GPAT4: variants seen among roughly 807,000 people sequenced by gnomAD.
The protein encoded by GPAT4 is 1-AGP acyltransferase 6.
Under a neutral mutation model 58.0 loss-of-function variants are expected in GPAT4, and 17 were observed. The observed-to-expected ratio is 0.29, with a 90% CI of 0.20 to 0.44. The LOEUF (loss-of-function observed/expected upper bound fraction) is 0.44. Among genes scored for constraint, GPAT4 ranks in the 20% least tolerant of loss-of-function variants. The pLI is 1.00. For synonymous variants in GPAT4, 204 were observed against 210.1 expected (o/e 0.97, Z 0.25); for missense variants, 377 against 574.5 (o/e 0.66, Z 3.51).
At chr8:41,606,528 T>A (rs772310974) in intron 2 of GPAT4, among the ~76,000 whole-genome samples, 5 of 152,212 alleles carry the variant, frequency 3.3e-5, no homozygotes, top group Non-Finnish European at 7.3e-5. Context: ...CTTTGCCCTC[T>A]GAAGATTCAC....
Position 41,618,909 on chromosome 8 carries a change from T to C in GPAT4, c.1194T>C (p.Asp398=). 1.2e-6 allele frequency: 2 copies of C among 1,614,194 alleles called. No individual in the cohort carries two copies. Among genetic ancestry groups the C allele is most frequent in the Non-Finnish European group, 1.7e-6 (2 of 1,180,044 alleles). Residue 398 remains aspartate (D), a synonymous_variant, in exon 12 of 13, where the codon GAT becomes GAC. Coordinates refer to ENST00000396987, the MANE Select transcript of GPAT4 (RefSeq NM_178819.4). ...LPPMTREADE[D]AVQFANRVKS... is the part of the protein sequence containing the mutation. ...GTTCTTTCTTACAGGCAGATGAAGATGCTGTCCAGTTTGCGAATAGGGTGA... is the reference window on the plus strand; with the variant it reads ...GTTCTTTCTTACAGGCAGATGAAGACGCTGTCCAGTTTGCGAATAGGGTGA...
intron 1 of GPAT4, among the ~76,000 whole-genome samples, chr8:41,595,191 A>G (rs1420400511): frequency 2.0e-5 from 3 of 150,060 alleles, no homozygotes; most frequent in East Asian, 3.9e-4. Flanking sequence ...CCTGGGAGGA[A>G]CCATCTATTG....
intron 2 of GPAT4, among the ~76,000 whole-genome samples, chr8:41,600,501 C>T (rs957439061): frequency 6.6e-6 from 1 of 151,666 alleles, no homozygotes; most frequent in African/African-American, 2.4e-5. Flanking sequence ...TGAAATGTTA[C>T]ATTATAGTGT....
At chr8:41,584,320 G>A (rs548668492) in intron 1 of GPAT4, among the ~76,000 whole-genome samples, 1 of 152,238 alleles carries the variant, frequency 6.6e-6, no homozygotes, top group East Asian at 1.9e-4. Context: ...TCCACTCCTA[G>A]GTATTTACCC....
rs1335680110 is a variant in GPAT4 at position 41,598,553 on chromosome 8, T to C, written c.-587T>C. ...GGGGCCAGATATGAACTCTCTACCATGAACATGGTTCTCGGCTTATGAAGG... is the reference window on the plus strand; with the variant it reads ...GGGGCCAGATATGAACTCTCTACCACGAACATGGTTCTCGGCTTATGAAGG... On this transcript the variant is annotated 5_prime_UTR_variant, in exon 2 of 13. It removes an upstream start codon present in the reference 5' UTR. Coordinates refer to ENST00000396987, the MANE Select transcript of GPAT4 (RefSeq NM_178819.4). 1.3e-5 allele frequency: 2 copies of C among 152,440 alleles called. No individual in the cohort carries two copies. The highest frequency in any genetic ancestry group is 6.5e-5 in the Admixed American group (1 of 15,312). The allele number at this position is 152,440 out of a possible 1,614,324, so 9.4% of individuals were successfully genotyped here.
Position 41,585,153 on chromosome 8 carries a change from T to C in GPAT4, c.-849+6875T>C, listed in dbSNP as rs577486157. Among the ~76,000 whole-genome samples, 16 of 152,360 alleles carry C rather than the reference T, an allele frequency of 1.1e-4. No homozygotes were observed. The East Asian group carries it at 3.1e-3, about 29-fold the overall frequency. ...CAGTCCCGATACACTCGACGTTAAA[T>C]TCAGCGTAGCACACATTTCCTCATG... On this transcript the variant is annotated intron_variant, in intron 1 of 12. Coordinates refer to ENST00000396987, the MANE Select transcript of GPAT4 (RefSeq NM_178819.4).
chr8:41,578,795 T>G (rs1000457131), intron 1 of GPAT4, among the ~76,000 whole-genome samples: 1 of 152,364 alleles, frequency 6.6e-6, no homozygotes, highest in Middle Eastern at 3.4e-3. Flanking sequence ...TTTCCTTTTT[T>G]ATTTCAGCAC....
chr8:41,590,857 T>C (rs1410012294), intron 1 of GPAT4, among the ~76,000 whole-genome samples: 4 of 152,120 alleles, frequency 2.6e-5, no homozygotes, highest in Admixed American at 2.6e-4. Flanking sequence ...CTTCCTGATG[T>C]GTAAAATGCA....
At chr8:41,610,900 C>G in intron 5 of GPAT4, 90 bp downstream of exon 5, 2 of 1,312,324 alleles carry the variant, frequency 1.5e-6, no homozygotes, top group Non-Finnish European at 2.1e-6. Flanking sequence ...TCTTTGGACA[C>G]AACCAAAGCC....
chr8:41,603,450 C>T (rs762915600), intron 2 of GPAT4, among the ~76,000 whole-genome samples: 3 of 150,468 alleles, frequency 2.0e-5, no homozygotes, highest in Non-Finnish European at 1.5e-5. Context: ...CGCTTGAACC[C>T]AGGAGGTGGA....
At chr8:41,591,665 G>A (rs1457590928) in intron 1 of GPAT4, among the ~76,000 whole-genome samples, 1 of 152,228 alleles carries the variant, frequency 6.6e-6, no homozygotes, top group Non-Finnish European at 1.5e-5. Context: ...CCTATTATAA[G>A]AGTTTTAAAT....
chr8:41,612,024 A>G, intron 6 of GPAT4, 32 bp downstream of exon 6: 3 of 1,611,218 alleles, frequency 1.9e-6, no homozygotes, highest in East Asian at 2.2e-5. Flanking sequence ...AGGAAGGGAG[A>G]TGGCGCTGCA....
chr8:41,585,251 A>G (rs1388669087), intron 1 of GPAT4, among the ~76,000 whole-genome samples: 1 of 152,192 alleles, frequency 6.6e-6, no homozygotes, highest in Non-Finnish European at 1.5e-5. Context: ...ACAGTAAACT[A>G]GGAGAAATGG....
At chr8:41,600,778 C>T (rs1803066467) in intron 2 of GPAT4, among the ~76,000 whole-genome samples, 1 of 152,198 alleles carries the variant, frequency 6.6e-6, no homozygotes, top group Non-Finnish European at 1.5e-5. Context: ...TCCGCCAGCC[C>T]TGGCAACCAC....
At chr8:41,591,780 A>C (rs1360585205) in intron 1 of GPAT4, among the ~76,000 whole-genome samples, 1 of 152,256 alleles carries the variant, frequency 6.6e-6, no homozygotes, top group Non-Finnish European at 1.5e-5. Context: ...TGTGTCTTCA[A>C]CTACTGGCCC....
intron 1 of GPAT4, among the ~76,000 whole-genome samples, chr8:41,587,680 A>C (rs550031466): frequency 4.9e-4 from 74 of 152,306 alleles, no homozygotes; most frequent in African/African-American, 1.6e-3. Context: ...AAGTCGTGAC[A>C]GCCAAAAATC....
At chr8:41,584,108 G>A (rs1802593186) in intron 1 of GPAT4, among the ~76,000 whole-genome samples, 1 of 152,102 alleles carries the variant, frequency 6.6e-6, no homozygotes, top group Non-Finnish European at 1.5e-5. Flanking sequence ...TGTTGTCCAG[G>A]CTGTTGTTGA....
At chr8:41,619,666 T>C (rs537466273) in intron 12 of GPAT4, among the ~76,000 whole-genome samples, 15 of 152,298 alleles carry the variant, frequency 9.8e-5, no homozygotes, top group African/African-American at 3.6e-4. Context: ...TCAATGCTGG[T>C]TCAGAGAAAG....
intron 10 of GPAT4, among the ~76,000 whole-genome samples, chr8:41,617,067 A>G (rs1341098593): frequency 6.6e-6 from 1 of 152,162 alleles, no homozygotes; most frequent in Non-Finnish European, 1.5e-5. Context: ...GGCTTTATAA[A>G]ATACAACGAC....
Sources: gnomAD v4.1 joint callset for allele counts (sites outside exome capture counted in the v4.1 genomes callset) on GRCh38, gnomAD v4.1.1 for gene constraint, MANE v1.5 for transcripts, NCBI Gene and HGNC (gene_info 2026-07-23, HGNC 2026-07-21) for gene names.